Variants in TRAPPC2L observed in about 807,000 individuals in gnomAD.
The protein encoded by TRAPPC2L is trafficking protein particle complex subunit 2-like protein.
In TRAPPC2L, 17 loss-of-function variants were observed where a neutral mutation model predicts 13.2. The observed-to-expected ratio is 1.29, with a 90% CI of 0.88 to 1.93. The LOEUF is 1.93. Ranked by LOEUF, TRAPPC2L falls within the 30% of genes most tolerant of loss-of-function variation. The pLI is 0.00. For synonymous variants in TRAPPC2L, 150 were observed against 98.1 expected, an observed-to-expected ratio of 1.53 and a Z score of -3.12; for missense variants, 359 against 252.1, an observed-to-expected ratio of 1.42 and a Z score of -2.87.
chr16:88,861,426 T>C, exon 4 of TRAPPC2L: 1 of 347,360 alleles, frequency 2.9e-6, no homozygotes. Flanking sequence ...AGGGCCCTCC[T>C]CTTTCTGGAC....
At chr16:88,856,616 G>A, upstream of TRAPPC2L, 1 of 323,112 alleles carries the variant, frequency 3.1e-6, no homozygotes, top group East Asian at 8.7e-5. Context: ...TCCCCGCGCG[G>A]GGCCTCCCCC....
At chr16:88,860,851 C>G in exon 4 of TRAPPC2L, 1 of 1,536,080 alleles carries the variant, frequency 6.5e-7, no homozygotes, top group East Asian at 2.3e-5. Flanking sequence ...CTGCCCGGCC[C>G]GTCTCTGAGC....
chr16:88,862,238 G>C (rs1271024515), exon 4 of TRAPPC2L: 2 of 152,674 alleles, frequency 1.3e-5, no homozygotes, highest in Non-Finnish European at 2.9e-5. Flanking sequence ...TGCTAACCCA[G>C]CGTCCATTCT....
Position 88,859,635 on chromosome 16 carries a change from C to G in TRAPPC2L, c.207-28C>G, listed in dbSNP as rs150043399. On this transcript the variant is annotated intron_variant, in intron 2 of 3. Transcript: ENST00000565504. ...CCCTCCACCGGCAGTCCCTGTGTTA[C>G]GAGTGCCTTCCCTAACCAGCTGTGC... 17 of 1,608,088 alleles carry G rather than the reference C, an allele frequency of 1.1e-5. No individual in the cohort carries two copies. In the East Asian group the frequency reaches 3.3e-4, roughly 32 times the overall value.
chr16:88,858,807 G>A lies in TRAPPC2L; in HGVS notation c.206+16G>A. 1 of 1,609,324 alleles carries A rather than the reference G, an allele frequency of 6.2e-7. No individual in the cohort carries two copies. The highest frequency in any genetic ancestry group is 8.5e-7 in the Non-Finnish European group (1 of 1,177,360). Reference sequence around the variant, plus strand: ...ACTACAAGGTGTATCTTTCAGGGCAGGGTGTGTGTCAGGGAGGACCTACAG... The same window carrying A: ...ACTACAAGGTGTATCTTTCAGGGCAAGGTGTGTGTCAGGGAGGACCTACAG... On this transcript the variant is annotated intron_variant, in intron 2 of 3. Transcript: ENST00000565504.
Position 88,858,711 on chromosome 16 carries a change from G to T in TRAPPC2L, c.126G>T (p.Lys42Asn), listed in dbSNP as rs1438012938. Residue 42 changes from lysine to asparagine, a missense_variant, in exon 2 of 4, where the codon AAG becomes AAT. By Grantham distance (94) the Lys-to-Asn change is moderately conservative. Transcript: ENST00000565504. Reference sequence around the variant, plus strand: ...CATCTCTGGACGTGGTGGATGAGAAGATCTCCGCAATGGGGAAGGCCCTGG... The same window carrying T: ...CATCTCTGGACGTGGTGGATGAGAATATCTCCGCAATGGGGAAGGCCCTGG... The T allele has an allele frequency of 4.3e-6, 7 of 1,613,524 alleles. No individual in the cohort carries two copies. In the African/African-American group the frequency reaches 8.0e-5, roughly 18 times the overall value.
At chr16:88,858,529 G>GCTGCAGGTCACGGCTGC in intron 1 of TRAPPC2L, 90 bp from the exon 2 acceptor site, 1 of 1,433,984 alleles carries the variant, frequency 7.0e-7, no homozygotes, top group Non-Finnish European at 9.5e-7. Flanking sequence ...TCCCCGGGTG[G>GCTGCAGGTCACGGCTGC]CTGCAGGTCA....
chr16:88,858,469 C>T (rs1968135795), intron 1 of TRAPPC2L, 150 bp from the exon 2 acceptor site: 2 of 760,876 alleles, frequency 2.6e-6, no homozygotes, highest in South Asian at 3.8e-5. Context: ...AGGCAGTGCC[C>T]ACTGCGGCAT....
chr16:88,861,575 A>T (rs1968392044), exon 4 of TRAPPC2L: 1 of 468,568 alleles, frequency 2.1e-6, no homozygotes, highest in African/African-American at 2.0e-5. Context: ...TGGAGCGCAG[A>T]CTTGAGGCAC....
rs1567552477 is a variant in TRAPPC2L, at chr16:88,857,197, G to GC, written c.33+15dup. The GC allele has an allele frequency of 1.9e-6, 3 of 1,565,066 alleles. No homozygotes were observed. The highest frequency in any genetic ancestry group is 2.3e-5 in the South Asian group (2 of 86,368). The stretch of plus-strand genomic sequence containing the variant: ...ATTGCCAAGGAGGTGCGTACGCGCG[G>GC]CGTGGGGCGTCCGGGCTCGCACCAT... On this transcript the variant is annotated intron_variant, in intron 1 of 3. Coordinates refer to ENST00000565504, the Ensembl canonical transcript of TRAPPC2L.
chr16:88,859,617 C>G (rs767451812), intron 2 of TRAPPC2L, 46 bp from the exon 3 acceptor site: 1 of 1,572,570 alleles, frequency 6.4e-7, no homozygotes. Flanking sequence ...GGGCCCTCCA[C>G]CGGCAGTCCC....
exon 4 of TRAPPC2L, chr16:88,862,520 C>G (rs1249751984): frequency 1.4e-5 from 1 of 70,490 alleles, no homozygotes; most frequent in African/African-American, 9.2e-5. Flanking sequence ...AGGGTCACAC[C>G]CTAAGGACAG....
Position 88,860,097 on chromosome 16 carries a change from C to A in TRAPPC2L, c.499C>A (p.Pro167Thr), listed in dbSNP as rs770502175. The A allele has an allele frequency of 3.3e-6, 3 of 895,646 alleles. No individual in the cohort carries two copies. The East Asian group carries it at 7.7e-5, about 23-fold the overall frequency. 55.5% of individuals were successfully genotyped at this position (895,646 alleles called of 1,614,324 possible). ...GATCTTTTTAAGCTATGAGCACCAT[C>A]CCCCTAGGGCAGAGGTTTTAAAGCC... The change falls in exon 4 of 4, where the codon CCC (proline) becomes ACC (threonine). Residue 167 changes from proline (P) to threonine (T), a missense_variant. Pro to Thr is a conservative substitution (Grantham distance 38). Transcript: ENST00000565504.
At chr16:88,859,783 T>C (rs777948154) in intron 3 of TRAPPC2L, 33 bp downstream of exon 3, 11 of 1,595,842 alleles carry the variant, frequency 6.9e-6, no homozygotes, top group South Asian at 1.1e-5. Flanking sequence ...CACGCCCGAG[T>C]GGGTGTTTTG....
chr16:88,860,630 A>C (rs1968318488), exon 4 of TRAPPC2L: 1 of 592,772 alleles, frequency 1.7e-6, no homozygotes, highest in Non-Finnish European at 3.0e-6. Flanking sequence ...TGGGCTGCAC[A>C]GGGCCATCCT....
At chr16:88,860,706 G>T in exon 4 of TRAPPC2L, 1 of 622,688 alleles carries the variant, frequency 1.6e-6, no homozygotes, top group Admixed American at 2.7e-5. Flanking sequence ...GCCTTGGGAG[G>T]CTGCACAGGG....
chr16:88,857,426 C>T, intron 1 of TRAPPC2L: 1 of 469,830 alleles, frequency 2.1e-6, no homozygotes, highest in South Asian at 3.2e-5. Context: ...AGGTCTCCTC[C>T]CCGCCAGGAC....
At chr16:88,859,771 G>A in intron 3 of TRAPPC2L, 21 bp downstream of exon 3, 2 of 1,604,696 alleles carry the variant, frequency 1.2e-6, no homozygotes, top group Non-Finnish European at 1.7e-6. Context: ...GAGTTAGAGG[G>A]CCACGCCCGA....
chr16:88,860,189 T>C (rs774156698), exon 4 of TRAPPC2L: 19 of 709,400 alleles, frequency 2.7e-5, no homozygotes, highest in Middle Eastern at 2.3e-4. Context: ...ATAGAGTGTG[T>C]GTGGTGTGGG....
Sources: allele counts gnomAD v4.1 joint callset, GRCh38; gene constraint gnomAD v4.1.1; transcripts MANE v1.5; gene names NCBI Gene and HGNC (gene_info 2026-07-23, HGNC 2026-07-21).